Variants in NDUFA10 observed in about 807,000 individuals in gnomAD.
NDUFA10 encodes NADH:ubiquinone oxidoreductase subunit A10.
A neutral mutation model predicts 47.8 loss-of-function variants in NDUFA10; 40 were observed. The observed-to-expected ratio is 0.84, with a 90% confidence interval of 0.65 to 1.09. The LOEUF (loss-of-function observed/expected upper bound fraction) is 1.09. Ranked by LOEUF, NDUFA10 falls within the 50% of genes least tolerant of loss-of-function variation. NDUFA10 has a pLI of 0.00. For synonymous variants in NDUFA10, 183 were observed against 172.2 expected, an observed-to-expected ratio of 1.06 and a Z score of -0.49; for missense variants, 413 against 451.1, an observed-to-expected ratio of 0.92 and a Z score of 0.76.
chr2:239,929,769 C>T (rs1694129545), intron 4 of NDUFA10, among the ~76,000 whole-genome samples: 1 of 145,626 alleles, frequency 6.9e-6, no homozygotes, highest in African/African-American at 2.5e-5. Context: ...CCTCCACTGC[C>T]CCTGCTTCTC....
intron 9 of NDUFA10, among the ~76,000 whole-genome samples, chr2:239,985,911 CAAAAAAAAAAAAA>C (rs34928768): frequency 1.1e-5 from 1 of 91,836 alleles, no homozygotes; most frequent in East Asian, 3.1e-4. Flanking sequence ...GATTCTGTCT[CAAAAAAAAAAAAA>C]AAAAAAAAAG....
intron 4 of NDUFA10, among the ~76,000 whole-genome samples, chr2:239,933,320 C>G (rs991674050): frequency 9.2e-5 from 14 of 152,188 alleles, no homozygotes; most frequent in African/African-American, 3.1e-4. Flanking sequence ...GCCTCCATCT[C>G]TACCCTTCAG....
chr2:240,021,488 A>C (rs973147307), intron 2 of NDUFA10, 76 bp from the exon 3 acceptor site: 209 of 1,327,824 alleles, frequency 1.6e-4, no homozygotes, highest in Admixed American at 3.9e-4. Context: ...GACTAGCCAA[A>C]ACACACAGCC....
intron 4 of NDUFA10, among the ~76,000 whole-genome samples, chr2:239,947,687 C>T (rs995187672): frequency 2.0e-5 from 3 of 152,218 alleles, no homozygotes; most frequent in African/African-American, 7.2e-5. Context: ...TTCCTGCTGC[C>T]GTGAGCTCCT....
At chr2:239,911,670 A>AGTGTGTGTTTGT (rs1553554442) in intron 4 of NDUFA10, among the ~76,000 whole-genome samples, 2 of 146,652 alleles carry the variant, frequency 1.4e-5, no homozygotes, top group African/African-American at 2.5e-5. Flanking sequence ...AACATGAGAG[A>AGTGTGTGTTTGT]GTGTGTGTGC....
In NDUFA10 at chr2:239,987,424, G is replaced by A. The variant is rs1696044934; in HGVS notation, c.999+2650C>T. Among the ~76,000 whole-genome samples, 1 of 142,454 alleles carries A rather than the reference G, an allele frequency of 7.0e-6. No individual in the cohort carries two copies. The highest frequency in any genetic ancestry group is 1.6e-5 in the Non-Finnish European group (1 of 64,258). The allele number at this position is 142,454 out of a possible 152,430, so 93.5% of individuals were successfully genotyped here. On this transcript the variant is annotated intron_variant, in intron 9 of 9. Transcript: ENST00000252711. This position sits in a 1 kb window ranked among gnomAD's most constrained non-coding sequence, Gnocchi z 4.8. The stretch of plus-strand genomic sequence containing the variant: ...AGCCTGAGAACTTACATTCCCAACA[G>A]CAGTTCAAATGATCCTGACACCGAG...
downstream of NDUFA10, among the ~76,000 whole-genome samples, chr2:239,953,049 G>C (rs148555662): frequency 1.5e-3 from 222 of 152,362 alleles, no homozygotes; most frequent in African/African-American, 5.2e-3. Context: ...GTGGTGCACA[G>C]AACAGGGCCC....
At chr2:240,022,783 C>A (rs959026793) in intron 1 of NDUFA10, among the ~76,000 whole-genome samples, 2 of 152,016 alleles carry the variant, frequency 1.3e-5, no homozygotes, top group Non-Finnish European at 2.9e-5. Flanking sequence ...ACCTCGTTAC[C>A]CCACTGCCTA....
intron 4 of NDUFA10, among the ~76,000 whole-genome samples, chr2:239,947,598 C>T (rs6758764): frequency 0.55 from 83,324 of 152,020 alleles, 23,012 homozygotes; most frequent in East Asian, 0.67. Flanking sequence ...GAGCAAGCCC[C>T]GCCCTCCCCG....
intron 9 of NDUFA10, among the ~76,000 whole-genome samples, chr2:239,963,893 C>T (rs1476892178): frequency 1.3e-5 from 2 of 152,176 alleles, no homozygotes; most frequent in African/African-American, 2.4e-5. Flanking sequence ...TGTGACCACG[C>T]GTGACATACG....
At chr2:240,005,167 G>A in intron 8 of NDUFA10, 43 bp downstream of exon 8, 1 of 1,525,730 alleles carries the variant, frequency 6.6e-7, no homozygotes, top group South Asian at 1.1e-5. Flanking sequence ...CATCATGCAA[G>A]TAGACCCCAG....
intron 4 of NDUFA10, among the ~76,000 whole-genome samples, chr2:239,916,711 C>T (rs1310072658): frequency 6.6e-6 from 1 of 152,272 alleles, no homozygotes; most frequent in African/African-American, 2.4e-5. Flanking sequence ...CCCAGGACGG[C>T]ACCTTGTGCT....
chr2:239,989,594 T>C (rs946876521), intron 9 of NDUFA10, among the ~76,000 whole-genome samples: 3 of 152,230 alleles, frequency 2.0e-5, no homozygotes, highest in African/African-American at 4.8e-5. Context: ...TAAGAAGGTA[T>C]GGCAATTGGA....
chr2:240,004,552 C>A (rs561182591), intron 8 of NDUFA10, among the ~76,000 whole-genome samples: 3 of 151,832 alleles, frequency 2.0e-5, no homozygotes, highest in African/African-American at 7.2e-5. Flanking sequence ...CCTTCCTAGT[C>A]CTGCCCTCTT....
chr2:239,897,599 G>A (rs1050768984), intron 4 of NDUFA10, among the ~76,000 whole-genome samples: 1 of 152,200 alleles, frequency 6.6e-6, no homozygotes, highest in African/African-American at 2.4e-5. Context: ...ACTTGATGAA[G>A]TGCTGGAGGG....
chr2:239,979,392 G>T (rs1385299529), intron 9 of NDUFA10, among the ~76,000 whole-genome samples: 1 of 152,056 alleles, frequency 6.6e-6, no homozygotes, highest in Non-Finnish European at 1.5e-5. Context: ...CACAGCAGAG[G>T]CCCAGGGCTC....
chr2:240,014,986 C>T (rs1321549829), intron 4 of NDUFA10, 126 bp from the exon 5 acceptor site: 6 of 1,376,924 alleles, frequency 4.4e-6, no homozygotes, highest in African/African-American at 4.3e-5. Flanking sequence ...AATCTACAAA[C>T]CCTATCTCGG....
intron 9 of NDUFA10, among the ~76,000 whole-genome samples, chr2:239,965,467 G>A (rs58652766): frequency 0.28 from 42,176 of 152,096 alleles, 6,799 homozygotes; most frequent in East Asian, 0.38. Flanking sequence ...GCATGATAAC[G>A]CCTCAGGGAG....
intron 4 of NDUFA10, among the ~76,000 whole-genome samples, chr2:239,932,431 G>A (rs959313271): frequency 3.9e-5 from 6 of 152,150 alleles, no homozygotes; most frequent in Non-Finnish European, 5.9e-5. Context: ...ACATTTCTGC[G>A]CTTTTCCATG....
Sources: gnomAD v4.1 joint callset for allele counts (sites outside exome capture counted in the v4.1 genomes callset) on GRCh38, gnomAD v4.1.1 for gene constraint, Gnocchi (gnomAD v3.1) non-coding constraint, MANE v1.5 for transcripts, NCBI Gene and HGNC (gene_info 2026-07-23, HGNC 2026-07-21) for gene names.